GALNTL6: variants seen among roughly 807,000 people sequenced by gnomAD.
The protein encoded by GALNTL6 is polypeptide N-acetylgalactosaminyltransferase like 6, also known as polypeptide N-acetylgalactosaminyltransferase-like 6.
Under a neutral mutation model 73.7 loss-of-function variants are expected in GALNTL6, and 46 were observed. The ratio of observed to expected loss-of-function variants is 0.62; its 90% CI spans 0.49 to 0.80. GALNTL6 has a LOEUF of 0.80. Among genes scored for constraint, GALNTL6 ranks in the 30% least tolerant of loss-of-function variants. The pLI is 0.00. For synonymous variants in GALNTL6, 259 were observed against 263.7 expected (o/e 0.98, Z 0.17); for missense variants, 604 against 755.0 (o/e 0.80, Z 2.34).
intron 5 of GALNTL6, among the ~76,000 whole-genome samples, chr4:172,397,023 GA>G (rs1203744528): frequency 3.3e-5 from 5 of 152,026 alleles, no homozygotes; most frequent in Admixed American, 6.6e-5. Context: ...AACAAAACTA[GA>G]AAATTTTGGT....
chr4:171,982,391 G>T lies in GALNTL6; in HGVS notation c.138+167673G>T, dbSNP rs946702528. On this transcript the variant is annotated intron_variant, in intron 2 of 12. Transcript: ENST00000506823. ...CGGCCCACTGCAAGCTCTGCCTCCT[G>T]GGTTCACGTCATTCTCCTGCTTCAG... Among the ~76,000 whole-genome samples, 65 of 152,140 alleles carry T rather than the reference G, an allele frequency of 4.3e-4. 1 individual carries two copies. The highest frequency in any genetic ancestry group is 1.2e-3 in the Admixed American group (18 of 15,284).
intron 2 of GALNTL6, among the ~76,000 whole-genome samples, chr4:171,817,841 T>C (rs1056030133): frequency 1.8e-4 from 27 of 151,662 alleles, no homozygotes; most frequent in African/African-American, 6.3e-4. Flanking sequence ...ATCTGCAAAA[T>C]TGAAATCAAG....
chr4:172,188,752 C>T (rs1197587960), intron 2 of GALNTL6, among the ~76,000 whole-genome samples: 1 of 152,090 alleles, frequency 6.6e-6, no homozygotes, highest in African/African-American at 2.4e-5. Context: ...GTGGGTGGAG[C>T]ATTTCCCATA....
At chr4:172,465,539 A>G (rs1413613496) in intron 5 of GALNTL6, among the ~76,000 whole-genome samples, 1 of 152,144 alleles carries the variant, frequency 6.6e-6, no homozygotes, top group Non-Finnish European at 1.5e-5. Context: ...TAATTGTGAG[A>G]TTTTTTAAAA....
intron 2 of GALNTL6, among the ~76,000 whole-genome samples, chr4:172,166,951 A>G (rs1734644115): frequency 6.6e-6 from 1 of 152,198 alleles, no homozygotes; most frequent in African/African-American, 2.4e-5. Flanking sequence ...GCCATTCTGA[A>G]CAGAGCATTG....
At chr4:172,151,938 A>ATATCTATCTATC (rs10528560) in intron 2 of GALNTL6, among the ~76,000 whole-genome samples, 10 of 146,530 alleles carry the variant, frequency 6.8e-5, no homozygotes, top group African/African-American at 1.5e-4. Flanking sequence ...ATATAAATTT[A>ATATCTATCTATC]TATCTATCTA....
At chr4:173,001,504 A>C (rs1048172760) in intron 10 of GALNTL6, among the ~76,000 whole-genome samples, 1 of 152,208 alleles carries the variant, frequency 6.6e-6, no homozygotes, top group African/African-American at 2.4e-5. Flanking sequence ...ACAAAAGAAA[A>C]CAAATAGATA....
chr4:172,177,001 G>A (rs1735023504), intron 2 of GALNTL6, among the ~76,000 whole-genome samples: 1 of 152,020 alleles, frequency 6.6e-6, no homozygotes, highest in Non-Finnish European at 1.5e-5. Flanking sequence ...AATCTTTTGT[G>A]CAATTATTTA....
chr4:172,500,630 A>G (rs1181769093), intron 5 of GALNTL6, among the ~76,000 whole-genome samples: 1 of 151,660 alleles, frequency 6.6e-6, no homozygotes, highest in Non-Finnish European at 1.5e-5. Context: ...AATGTTCAGG[A>G]AAAAAAAATC....
chr4:172,875,526 T>G (rs1745149821), intron 7 of GALNTL6, among the ~76,000 whole-genome samples: 1 of 152,072 alleles, frequency 6.6e-6, no homozygotes, highest in African/African-American at 2.4e-5. Flanking sequence ...TTTGAGGAGA[T>G]TTCTTCAAAG....
At chr4:173,014,320 A>G (rs1162591388) in intron 11 of GALNTL6, among the ~76,000 whole-genome samples, 1 of 152,268 alleles carries the variant, frequency 6.6e-6, no homozygotes, top group African/African-American at 2.4e-5. Flanking sequence ...AGGTCTGGAA[A>G]GAACATTCCC....
chr4:172,448,978 G>A (rs188996119), intron 5 of GALNTL6, among the ~76,000 whole-genome samples: 63 of 152,158 alleles, frequency 4.1e-4, no homozygotes, highest in Non-Finnish European at 7.4e-4. Flanking sequence ...TGAATCTCTA[G>A]AACTTAGCCC....
At chr4:172,892,687 C>T (rs1746102297) in intron 8 of GALNTL6, among the ~76,000 whole-genome samples, 1 of 151,030 alleles carries the variant, frequency 6.6e-6, no homozygotes, top group African/African-American at 2.4e-5. Flanking sequence ...ATGCCATATG[C>T]CCTTACTCTT....
chr4:172,079,367 T>C (rs1731807711), intron 2 of GALNTL6, among the ~76,000 whole-genome samples: 1 of 152,138 alleles, frequency 6.6e-6, no homozygotes, highest in Non-Finnish European at 1.5e-5. Flanking sequence ...CCTGTATTAT[T>C]GATTTTGTAG....
At chr4:172,751,091 T>C (rs573353851) in intron 5 of GALNTL6, among the ~76,000 whole-genome samples, 2 of 152,184 alleles carry the variant, frequency 1.3e-5, no homozygotes, top group Non-Finnish European at 2.9e-5. Flanking sequence ...TGTTGAGGCA[T>C]ATGTGGTTTG....
At chr4:171,867,989 CT>C (rs35316583) in intron 2 of GALNTL6, among the ~76,000 whole-genome samples, 340 of 136,702 alleles carry the variant, frequency 2.5e-3, no homozygotes, top group South Asian at 0.013. Context: ...TTTTGAGGTG[CT>C]TTTTTTTTTT....
At chr4:172,002,653 G>A (rs573976029) in intron 2 of GALNTL6, among the ~76,000 whole-genome samples, 2 of 152,190 alleles carry the variant, frequency 1.3e-5, no homozygotes, top group East Asian at 3.9e-4. Flanking sequence ...AAGCTACACA[G>A]TCTTGGGTTC....
At chr4:172,401,934 AG>A (rs1387462524) in intron 5 of GALNTL6, among the ~76,000 whole-genome samples, 1 of 76,616 alleles carries the variant, frequency 1.3e-5, no homozygotes, top group Non-Finnish European at 2.5e-5. Flanking sequence ...AGAGGGAGAG[AG>A]GGGGAAAGGG....
intron 2 of GALNTL6, among the ~76,000 whole-genome samples, chr4:171,987,308 T>C (rs557483536): frequency 7.2e-5 from 11 of 152,284 alleles, no homozygotes; most frequent in African/African-American, 2.6e-4. Context: ...TTTGACTGAA[T>C]ACTAAGAGCC....
Sources: allele counts gnomAD v4.1 joint callset (sites outside exome capture counted in the v4.1 genomes callset), GRCh38; gene constraint gnomAD v4.1.1; transcripts MANE v1.5; gene names NCBI Gene and HGNC (gene_info 2026-07-23, HGNC 2026-07-21).